Variants in BRINP3 observed in about 807,000 individuals in gnomAD.
BRINP3 encodes the protein BMP/retinoic acid-inducible neural-specific protein 3.
BRINP3 carries 19 observed loss-of-function variants against 71.0 expected under a neutral mutation model. That is an observed-to-expected ratio of 0.27 (90% confidence interval 0.19 to 0.39). BRINP3 has a LOEUF of 0.39. Ranked by LOEUF, BRINP3 falls within the 10% of genes least tolerant of loss-of-function variation. BRINP3 has a pLI of 1.00. For missense variants in BRINP3, 959 were observed against 940.8 expected, an observed-to-expected ratio of 1.02 and a Z score of -0.25; for synonymous variants, 380 against 337.7, an observed-to-expected ratio of 1.13 and a Z score of -1.37.
At chr1:190,432,156 C>T (rs914969572) in intron 2 of BRINP3, among the ~76,000 whole-genome samples, 2 of 152,142 alleles carry the variant, frequency 1.3e-5, no homozygotes, top group African/African-American at 4.8e-5. Flanking sequence ...ATCTTTCTAT[C>T]CATACTTTAC....
At chr1:190,119,137 C>A in intron 7 of BRINP3, among the ~76,000 whole-genome samples, 1 of 152,048 alleles carries the variant, frequency 6.6e-6, no homozygotes, top group Non-Finnish European at 1.5e-5. Context: ...CAATTCTGTA[C>A]TTTTATTATC....
intron 2 of BRINP3, among the ~76,000 whole-genome samples, chr1:190,371,840 C>T (rs1370751892): frequency 5.9e-5 from 9 of 152,086 alleles, no homozygotes; most frequent in Non-Finnish European, 1.3e-4. Context: ...CTCCTGAAGA[C>T]ATTCAGAGAG....
intron 6 of BRINP3, among the ~76,000 whole-genome samples, chr1:190,194,279 T>C (rs2102585668): frequency 6.6e-6 from 1 of 152,198 alleles, no homozygotes; most frequent in African/African-American, 2.4e-5. Flanking sequence ...AGTATTCTCC[T>C]GTAGAACAAA....
chr1:190,344,410 A>G (rs1383149128), intron 2 of BRINP3, among the ~76,000 whole-genome samples: 4 of 151,868 alleles, frequency 2.6e-5, no homozygotes, highest in Admixed American at 2.6e-4. Context: ...CTGTACTTCA[A>G]CTATGATTGC....
At chr1:190,467,094 A>G (rs1056776616) in intron 1 of BRINP3, among the ~76,000 whole-genome samples, 3 of 151,526 alleles carry the variant, frequency 2.0e-5, no homozygotes, top group Non-Finnish European at 4.4e-5. Context: ...TAGAAAATGC[A>G]TTATTCATTG....
At chr1:190,219,975 A>C (rs773239607) in intron 6 of BRINP3, among the ~76,000 whole-genome samples, 1 of 152,020 alleles carries the variant, frequency 6.6e-6, no homozygotes, top group Non-Finnish European at 1.5e-5. Flanking sequence ...TTACCTCAAA[A>C]GACCAAATTG....
intron 7 of BRINP3, among the ~76,000 whole-genome samples, chr1:190,137,488 T>C (rs977820261): frequency 7.3e-6 from 1 of 137,416 alleles, no homozygotes; most frequent in Non-Finnish European, 1.6e-5. Flanking sequence ...AGACAAGAGG[T>C]GGAGGGGAAG....
chr1:190,462,139 T>A (rs1676438738), intron 1 of BRINP3, among the ~76,000 whole-genome samples: 1 of 152,072 alleles, frequency 6.6e-6, no homozygotes, highest in Admixed American at 6.6e-5. Flanking sequence ...CTCAAACTCC[T>A]GATTTCAGGT....
intron 6 of BRINP3, among the ~76,000 whole-genome samples, chr1:190,162,950 A>G (rs1651146112): frequency 1.3e-5 from 2 of 152,160 alleles, no homozygotes; most frequent in Non-Finnish European, 2.9e-5. Flanking sequence ...TCAATCTATG[A>G]CAACAAATAT....
At chr1:190,372,131 G>A (rs959527750) in intron 2 of BRINP3, among the ~76,000 whole-genome samples, 1 of 152,110 alleles carries the variant, frequency 6.6e-6, no homozygotes, top group African/African-American at 2.4e-5. Flanking sequence ...GCTAAGAGAG[G>A]ACACAACAGT....
intron 2 of BRINP3, among the ~76,000 whole-genome samples, chr1:190,368,126 G>C (rs1669626918): frequency 6.6e-6 from 1 of 152,102 alleles, no homozygotes; most frequent in East Asian, 1.9e-4. Flanking sequence ...CCTGAGACTG[G>C]GTGACTAATA....
At chr1:190,127,654 AT>A (rs1654198717) in intron 7 of BRINP3, among the ~76,000 whole-genome samples, 1 of 151,906 alleles carries the variant, frequency 6.6e-6, no homozygotes, top group African/African-American at 2.4e-5. Context: ...TGAAATCAAA[AT>A]AAAAGTAATG....
Position 190,284,409 on chromosome 1 carries a change from C to T in BRINP3, c.237-2659G>A, listed in dbSNP as rs549935162. Among the ~76,000 whole-genome samples, 46 of 151,962 alleles carry T rather than the reference C, an allele frequency of 3.0e-4. 1 individual carries two copies. In the South Asian group the frequency reaches 3.1e-3, roughly 10 times the overall value. On this transcript the variant is annotated intron_variant, in intron 2 of 7. Transcript: ENST00000367462. ...ATGAACATAAGAAAATCTATGACCT[C>T]GAGGGCTCAAAAATTATACAAAGAT...
intron 6 of BRINP3, among the ~76,000 whole-genome samples, chr1:190,215,058 A>C (rs1361361735): frequency 6.6e-6 from 1 of 151,314 alleles, no homozygotes; most frequent in African/African-American, 2.4e-5. Flanking sequence ...TTTCCATTTA[A>C]GAAGAAAAGA....
intron 2 of BRINP3, among the ~76,000 whole-genome samples, chr1:190,378,888 C>A (rs1170802424): frequency 6.6e-6 from 1 of 152,076 alleles, no homozygotes; most frequent in African/African-American, 2.4e-5. Context: ...TTCACATGAC[C>A]CCAGTAGGAC....
chr1:190,319,966 A>G (rs1224587009), intron 2 of BRINP3, among the ~76,000 whole-genome samples: 1 of 152,134 alleles, frequency 6.6e-6, no homozygotes, highest in East Asian at 1.9e-4. Context: ...AAAATGGAAT[A>G]AAGAATATTC....
chr1:190,107,785 T>A (rs1370929004), intron 7 of BRINP3, among the ~76,000 whole-genome samples: 1 of 151,986 alleles, frequency 6.6e-6, no homozygotes, highest in Non-Finnish European at 1.5e-5. Flanking sequence ...GACCTCGACT[T>A]ATGTTGGCGA....
intron 3 of BRINP3, among the ~76,000 whole-genome samples, chr1:190,275,197 T>C (rs1205965739): frequency 6.6e-6 from 1 of 151,584 alleles, no homozygotes; most frequent in Admixed American, 6.6e-5. Flanking sequence ...CTGAGTGAAA[T>C]ACAATTAAGT....
At chr1:190,154,133 TG>T (rs1358408079) in intron 7 of BRINP3, 1 of 854,060 alleles carries the variant, frequency 1.2e-6, no homozygotes, top group African/African-American at 1.8e-5. Context: ...ATAAAAAAGA[TG>T]ACACATATTC....
Sources: allele counts gnomAD v4.1 joint callset (sites outside exome capture counted in the v4.1 genomes callset), GRCh38; gene constraint gnomAD v4.1.1; transcripts MANE v1.5; gene names NCBI Gene and HGNC (gene_info 2026-07-23, HGNC 2026-07-21).